DGKB: variants seen among roughly 807,000 people sequenced by gnomAD.
DGKB encodes 90 kDa diacylglycerol kinase.
DGKB carries 67 observed loss-of-function variants against 114.3 expected under a neutral mutation model. That is an observed-to-expected ratio of 0.59 (90% CI 0.48 to 0.72). The LOEUF (loss-of-function observed/expected upper bound fraction) is 0.72, where lower values mean the gene tolerates loss of function less well. Among genes scored for constraint, DGKB ranks in the 30% least tolerant of loss-of-function variants. The pLI is 0.00. For missense variants in DGKB, 907 were observed against 975.2 expected, an observed-to-expected ratio of 0.93 and a Z score of 0.93; for synonymous variants, 398 against 323.1, an observed-to-expected ratio of 1.23 and a Z score of -2.49.
At chr7:14,518,066 G>A (rs1170015724) in intron 20 of DGKB, among the ~76,000 whole-genome samples, 1 of 152,036 alleles carries the variant, frequency 6.6e-6, no homozygotes, top group Non-Finnish European at 1.5e-5. Flanking sequence ...CAACCTAAAT[G>A]CCTATCAGTG....
chr7:14,898,670 C>T (rs1395903895), intron 1 of DGKB, among the ~76,000 whole-genome samples: 1 of 152,056 alleles, frequency 6.6e-6, no homozygotes, highest in Non-Finnish European at 1.5e-5. Context: ...TATTCCCAAC[C>T]CCAACCTGAA....
intron 1 of DGKB, among the ~76,000 whole-genome samples, chr7:14,924,773 A>T (rs1326252997): frequency 1.3e-5 from 2 of 152,134 alleles, no homozygotes; most frequent in Admixed American, 1.3e-4. Context: ...GTAGAGTCCC[A>T]AACAGTAATA....
At chr7:14,205,631 T>C (rs1786663016) in intron 23 of DGKB, among the ~76,000 whole-genome samples, 1 of 152,024 alleles carries the variant, frequency 6.6e-6, no homozygotes, top group Non-Finnish European at 1.5e-5. Flanking sequence ...TTGGGCCAAC[T>C]TATCCTCCTT....
At chr7:14,545,241 G>A (rs570856169) in intron 20 of DGKB, among the ~76,000 whole-genome samples, 1 of 152,082 alleles carries the variant, frequency 6.6e-6, no homozygotes, top group Non-Finnish European at 1.5e-5. Flanking sequence ...GACAACTCGG[G>A]GGAAAAATGA....
intron 21 of DGKB, among the ~76,000 whole-genome samples, chr7:14,425,583 G>A (rs573290708): frequency 6.6e-6 from 1 of 152,184 alleles, no homozygotes; most frequent in South Asian, 2.1e-4. Context: ...ATCAATACAA[G>A]CATTAATCTG....
intron 2 of DGKB, among the ~76,000 whole-genome samples, chr7:14,803,226 G>C (rs1202273797): frequency 6.6e-6 from 1 of 152,080 alleles, no homozygotes; most frequent in Admixed American, 6.6e-5. Flanking sequence ...ATAAGTGTGA[G>C]TCACAGCACC....
In DGKB at chr7:14,620,025, C is replaced by A. The variant is rs947358144; in HGVS notation, c.1284+1353G>T. Among the ~76,000 whole-genome samples, 5 of 151,194 alleles carry A rather than the reference C, an allele frequency of 3.3e-5. No individual in the cohort carries two copies. The East Asian group carries it at 9.7e-4, about 29-fold the overall frequency. On this transcript the variant is annotated intron_variant, in intron 15 of 25. Transcript: ENST00000402815. ...TTTAAACTTATCAATATTAGGCATC[C>A]ACGTATTGAATTAAAATGTTGATTT...
At chr7:14,616,475 A>C (rs923497546) in intron 15 of DGKB, among the ~76,000 whole-genome samples, 1 of 151,768 alleles carries the variant, frequency 6.6e-6, no homozygotes, top group Non-Finnish European at 1.5e-5. Context: ...GTAAAATTCA[A>C]TTATTCTGAA....
chr7:14,347,427 A>T (rs1471493351), intron 21 of DGKB, among the ~76,000 whole-genome samples: 1 of 152,032 alleles, frequency 6.6e-6, no homozygotes, highest in East Asian at 1.9e-4. Flanking sequence ...GTGATCCAGC[A>T]ATCTCTCTTC....
chr7:14,797,663 G>T (rs1372682384), intron 2 of DGKB, among the ~76,000 whole-genome samples: 2 of 151,336 alleles, frequency 1.3e-5, no homozygotes, highest in African/African-American at 4.9e-5. Context: ...TTTTCCTGAG[G>T]GCTGCCATCT....
At chr7:14,541,682 A>G (rs12537437) in intron 20 of DGKB, among the ~76,000 whole-genome samples, 7,166 of 152,248 alleles carry the variant, frequency 0.047, 263 homozygotes, top group East Asian at 0.22. Flanking sequence ...AGGCTATGCC[A>G]TTGTACCTTC....
intron 21 of DGKB, among the ~76,000 whole-genome samples, chr7:14,443,739 T>C (rs966008479): frequency 1.3e-5 from 2 of 152,066 alleles, no homozygotes; most frequent in Admixed American, 6.6e-5. Context: ...TTTTGTTGGC[T>C]TGTTTGAGTG....
chr7:14,324,437 A>T (rs1028295442), intron 23 of DGKB, among the ~76,000 whole-genome samples: 6 of 115,582 alleles, frequency 5.2e-5, no homozygotes, highest in Admixed American at 2.0e-4. Flanking sequence ...ACAGAGTGAG[A>T]CTCTGTCTCA....
At chr7:14,267,126 A>G (rs1797630765) in intron 23 of DGKB, among the ~76,000 whole-genome samples, 1 of 152,186 alleles carries the variant, frequency 6.6e-6, no homozygotes, top group Non-Finnish European at 1.5e-5. Flanking sequence ...TGTTTTTTCT[A>G]TCAAGTCTTA....
intron 13 of DGKB, among the ~76,000 whole-genome samples, chr7:14,637,651 T>C (rs1369162499): frequency 6.6e-6 from 1 of 151,652 alleles, no homozygotes; most frequent in African/African-American, 2.4e-5. Flanking sequence ...TATATGCATG[T>C]TGTAATCACA....
chr7:14,679,452 G>C (rs73680177), intron 12 of DGKB, among the ~76,000 whole-genome samples: 2,553 of 152,094 alleles, frequency 0.017, 70 homozygotes, highest in African/African-American at 0.059. Context: ...ACGATCTTAA[G>C]AATCTGGTTG....
chr7:14,193,534 C>A (rs1784604501), intron 23 of DGKB, among the ~76,000 whole-genome samples: 1 of 152,034 alleles, frequency 6.6e-6, no homozygotes, highest in Non-Finnish European at 1.5e-5. Context: ...ATGTTATGTA[C>A]AAAAATCAAC....
chr7:14,963,716 T>C (rs1786992443), intron 1 of DGKB, among the ~76,000 whole-genome samples: 1 of 152,134 alleles, frequency 6.6e-6, no homozygotes, highest in African/African-American at 2.4e-5. Context: ...AGGTTTGTTG[T>C]AGCGCTCCTG....
chr7:14,943,315 T>A (rs1335467134), intron 1 of DGKB, among the ~76,000 whole-genome samples: 1 of 150,450 alleles, frequency 6.6e-6, no homozygotes, highest in Non-Finnish European at 1.5e-5. Context: ...ATTCTAGTAG[T>A]ATGCATAATA....
Sources: allele counts gnomAD v4.1 joint callset (sites outside exome capture counted in the v4.1 genomes callset), GRCh38; gene constraint gnomAD v4.1.1; transcripts MANE v1.5; gene names NCBI Gene and HGNC (gene_info 2026-07-23, HGNC 2026-07-21).